The following ACAD8 variants were observed in gnomAD, a reference collection of about 807,000 sequenced individuals.
ACAD8 encodes acyl-CoA dehydrogenase family member 8.
In ACAD8, 47 loss-of-function variants were observed where a neutral mutation model predicts 53.1. The observed-to-expected ratio is 0.89, with a 90% CI of 0.70 to 1.13. The LOEUF is 1.13. Ranked by LOEUF, ACAD8 falls within the 50% of genes most tolerant of loss-of-function variation. The pLI, the probability that ACAD8 is intolerant of heterozygous loss-of-function variation, is 0.00. For missense variants in ACAD8, 494 were observed against 535.0 expected (o/e 0.92, Z 0.76); for synonymous variants, 198 against 201.3 (o/e 0.98, Z 0.14).
Position 134,261,384 on chromosome 11 carries a change from CT to C in ACAD8, c.939+14del, listed in dbSNP as rs1431749120. On this transcript the variant is annotated intron_variant, in intron 8 of 10. Transcript: ENST00000281182. The surrounding 1 kb of genome is among the most constrained non-coding windows in gnomAD (Gnocchi z 4.2). ...TGGCCAGTAACCAGGTAACCTCTGC[CT>C]TGCCTCCACATGGCTTTGCACTATT... 7 of 1,613,702 alleles carry C rather than the reference CT, an allele frequency of 4.3e-6. No homozygotes were observed. Among genetic ancestry groups the C allele is most frequent in the Non-Finnish European group, 5.9e-6 (7 of 1,179,632 alleles).
intron 10 of ACAD8, 138 bp downstream of exon 10, chr11:134,262,760 C>T (rs759316202): frequency 1.4e-5 from 21 of 1,504,938 alleles, no homozygotes; most frequent in East Asian, 1.3e-4. Context: ...TCCTCCCTCC[C>T]GTTCCGCAGA....
chr11:134,259,011 G>C lies in ACAD8; in HGVS notation c.494G>C (p.Ser165Thr), dbSNP rs988461205. 3.1e-6 allele frequency: 5 copies of C among 1,613,814 alleles called. No homozygotes were observed. Among genetic ancestry groups the C allele is most frequent in the Non-Finnish European group, 4.2e-6 (5 of 1,179,846 alleles). Residue 165 changes from serine (S) to threonine (T), a missense_variant, in exon 5 of 11, where the codon AGT becomes ACT. By Grantham distance (58) the Ser-to-Thr change is moderately conservative. Coordinates refer to ENST00000281182, the MANE Select transcript of ACAD8 (RefSeq NM_014384.3). ...CTGCCTTTTGATCCCTCCTCAGGAA[G>C]TGGGAGTGATGCTGCCTCTCTTCTG... ...FASYCLTEPGSGSDAASLLTS... is the reference protein window; with the variant it reads ...FASYCLTEPGTGSDAASLLTS...
At chr11:134,259,298 T>G in intron 5 of ACAD8, 1 of 692,382 alleles carries the variant, frequency 1.4e-6, no homozygotes, top group Non-Finnish European at 2.6e-6. Context: ...TCTATCCTTT[T>G]TATACTCTCT....
Position 134,253,681 on chromosome 11 carries a change from C to G in ACAD8, c.81C>G (p.Gly27=). The change falls in exon 1 of 11, where the codon GGC becomes GGG. Residue 27 remains glycine (G), a synonymous_variant. Coordinates refer to ENST00000281182, the MANE Select transcript of ACAD8 (RefSeq NM_014384.3). Reference sequence around the variant, plus strand: ...GTCTCCGGGTCCTCGTCCAGACCGGCCACCGGAGCTTGACCTCCTGCATCG... The same window carrying G: ...GTCTCCGGGTCCTCGTCCAGACCGGGCACCGGAGCTTGACCTCCTGCATCG... ...PGGLRVLVQT[G]HRSLTSCIDP... The G allele has an allele frequency of 6.2e-7, 1 of 1,600,148 alleles. No homozygotes were observed. Among genetic ancestry groups the G allele is most frequent in the South Asian group, 1.1e-5 (1 of 89,232 alleles).
In ACAD8 at chr11:134,262,463, C is replaced by G. The variant is rs576715241; in HGVS notation, c.1093-57C>G. 9.3e-4 allele frequency: 1,138 copies of G among 1,225,164 alleles called. 5 individuals carry two copies. The highest frequency in any genetic ancestry group is 8.7e-4 in the Non-Finnish European group (731 of 841,028). 75.9% of individuals were successfully genotyped at this position (1,225,164 alleles called of 1,614,324 possible). A position where few individuals can be genotyped will look rare whatever the true frequency, so the allele number is the denominator to read the frequency against. On this transcript the variant is annotated intron_variant, in intron 9 of 10. Coordinates refer to ENST00000281182, the MANE Select transcript of ACAD8 (RefSeq NM_014384.3). ...TCGTGGGCTGGGGTAGGAAGGGAAGCTGCTTGCTCCACAGTCTTCCCAGAG... is the reference window on the plus strand; with the variant it reads ...TCGTGGGCTGGGGTAGGAAGGGAAGGTGCTTGCTCCACAGTCTTCCCAGAG...
In ACAD8 at chr11:134,259,683, A is replaced by G. The variant is rs151125742; in HGVS notation, c.643A>G (p.Ile215Val). The G allele has an allele frequency of 1.4e-5, 22 of 1,614,086 alleles. No homozygotes were observed. In the East Asian group the frequency reaches 4.7e-4, roughly 34 times the overall value. ...AACAGGAGGACCAGGCCCCAAGGGC[A>G]TCTCATGCATAGTTGTTGAGAAGGG... ...CRTGGPGPKG[I>V]SCIVVEKGTP... The change falls in exon 6 of 11, where the codon ATC becomes GTC. Residue 215 changes from isoleucine (I) to valine (V), a missense_variant. Ile to Val is a conservative substitution (Grantham distance 29). Coordinates refer to ENST00000281182, the MANE Select transcript of ACAD8 (RefSeq NM_014384.3).
intron 1 of ACAD8, among the ~76,000 whole-genome samples, chr11:134,254,336 A>G (rs999968172): frequency 6.6e-6 from 1 of 152,146 alleles, no homozygotes; most frequent in Non-Finnish European, 1.5e-5. Context: ...CAGGAAAAAT[A>G]ATTATTATTG....
intron 6 of ACAD8, 82 bp from the exon 7 acceptor site, chr11:134,260,962 A>G: frequency 6.5e-7 from 1 of 1,540,800 alleles, no homozygotes; most frequent in Non-Finnish European, 8.9e-7. Flanking sequence ...TGAAACCCAT[A>G]CCTCACAGGC....
At chr11:134,256,700 A>T in intron 2 of ACAD8, 52 bp downstream of exon 2, 1 of 1,488,892 alleles carries the variant, frequency 6.7e-7, no homozygotes, top group Non-Finnish European at 9.3e-7. Flanking sequence ...TCTCAGGCAG[A>T]CCTTTATCTT....
intron 3 of ACAD8, chr11:134,258,122 T>C (rs572837663): frequency 3.0e-6 from 1 of 331,562 alleles, no homozygotes; most frequent in East Asian, 8.0e-5. Context: ...AGTGCTGGGA[T>C]TACAGATGTG....
intron 10 of ACAD8, chr11:134,264,097 C>T (rs1256725272): frequency 2.1e-6 from 2 of 969,442 alleles, no homozygotes; most frequent in Non-Finnish European, 2.5e-6. Flanking sequence ...ATAATCGCCG[C>T]ACTTTGGGAG....
At chr11:134,255,457 C>A (rs3758925) in intron 1 of ACAD8, among the ~76,000 whole-genome samples, 56,297 of 151,780 alleles carry the variant, frequency 0.37, 10,630 homozygotes, top group African/African-American at 0.46. Context: ...ATTTTTGTAA[C>A]CCCAGCACTG....
At chr11:134,258,690 G>A (rs1191259132) in intron 4 of ACAD8, 66 bp downstream of exon 4, 31 of 1,194,862 alleles carry the variant, frequency 2.6e-5, no homozygotes, top group Non-Finnish European at 3.2e-5. Flanking sequence ...TGGCATTACC[G>A]AGCACTCCTT....
At chr11:134,253,849 C>T (rs1277233824) in intron 1 of ACAD8, 140 bp downstream of exon 1, 1 of 919,190 alleles carries the variant, frequency 1.1e-6, no homozygotes, top group Non-Finnish European at 1.7e-6. Context: ...CCCGGCCTGG[C>T]TCCCTACTCC....
Position 134,261,524 on chromosome 11 carries a change from T to C in ACAD8, c.939+152T>C. 1 of 1,510,266 alleles carries C rather than the reference T, an allele frequency of 6.6e-7. No individual in the cohort carries two copies. Among genetic ancestry groups the C allele is most frequent in the East Asian group, 2.4e-5 (1 of 41,562 alleles). The allele number at this position is 1,510,266 out of a possible 1,614,324, so 93.6% of individuals were successfully genotyped here. ...CTTGTGCTTTATTTCTGTCCATCTT[T>C]TCTTGGGATATCTTTAACGATATTA... On this transcript the variant is annotated intron_variant, in intron 8 of 10. Transcript: ENST00000281182. This position sits in a 1 kb window ranked among gnomAD's most constrained non-coding sequence, Gnocchi z 4.2.
chr11:134,254,083 C>T (rs1490294689), intron 1 of ACAD8, among the ~76,000 whole-genome samples: 1 of 152,028 alleles, frequency 6.6e-6, no homozygotes, highest in Non-Finnish European at 1.5e-5. Flanking sequence ...CCCGGGTCCT[C>T]CTGCGGCCGG....
intron 4 of ACAD8, 141 bp downstream of exon 4, chr11:134,258,765 G>T: frequency 1.3e-6 from 1 of 767,532 alleles, no homozygotes; most frequent in Non-Finnish European, 2.2e-6. Context: ...ATAGAGTCCT[G>T]TGACCTGATG....
chr11:134,263,225 C>G (rs1940005895), intron 10 of ACAD8: 2 of 1,002,294 alleles, frequency 2.0e-6, no homozygotes, highest in African/African-American at 1.7e-5. Flanking sequence ...AATGACACGA[C>G]TCTTGGAAAA....
intron 3 of ACAD8, among the ~76,000 whole-genome samples, chr11:134,257,506 T>C (rs998532292): frequency 6.6e-6 from 1 of 151,994 alleles, no homozygotes; most frequent in Admixed American, 6.6e-5. Context: ...ACCCCGTCCC[T>C]GCTAAAAATA....
Sources: allele counts gnomAD v4.1 joint callset (sites outside exome capture counted in the v4.1 genomes callset), GRCh38; gene constraint gnomAD v4.1.1; non-coding constraint Gnocchi (gnomAD v3.1); transcripts MANE v1.5; gene names NCBI Gene and HGNC (gene_info 2026-07-23, HGNC 2026-07-21).